Variants in COL5A1 observed in about 807,000 individuals in gnomAD.
COL5A1 encodes the protein collagen type V alpha 1 chain, also known as collagen alpha-1(V) chain.
Under a neutral mutation model 263.7 loss-of-function variants are expected in COL5A1, and 16 were observed. The observed-to-expected ratio is 0.06, with a 90% CI of 0.04 to 0.09. The LOEUF is 0.09. Among genes scored for constraint, COL5A1 ranks in the 10% least tolerant of loss-of-function variants. COL5A1 has a pLI of 1.00. For missense variants in COL5A1, 2,036 were observed against 2,540.5 expected (o/e 0.80, Z 4.27); for synonymous variants, 1,012 against 1,004.5 (o/e 1.01, Z -0.14).
Position 134,796,897 on chromosome 9 carries a change from C to T in COL5A1, c.2894C>T (p.Pro965Leu), listed in dbSNP as rs376435205. The T allele has an allele frequency of 3.1e-6, 5 of 1,613,906 alleles. No individual in the cohort carries two copies. Among genetic ancestry groups the T allele is most frequent in the Non-Finnish European group, 4.2e-6 (5 of 1,179,900 alleles). ...ACAGGATTTCCTGGACCAAAGGGCC[C>T]CCCTGTAAGTAATGGCTTCCTTGCT... ...GPTGFPGPKG[P>L]PGPPGKDGLP... Residue 965 changes from proline to leucine, a missense_variant, in exon 36 of 66, where the codon CCC (proline) becomes CTC (leucine). By Grantham distance (98) the Pro-to-Leu change is moderately conservative. Coordinates refer to ENST00000371817, the MANE Select transcript of COL5A1 (RefSeq NM_000093.5).
chr9:134,680,117 C>T lies in COL5A1; in HGVS notation c.110-10795C>T, dbSNP rs1037723338. Reference sequence around the variant, plus strand: ...CTGTCATCTTCAGGAAGGACTACCCCGGAGGCCCTTTGGACGGGCCCTTCA... The same window carrying T: ...CTGTCATCTTCAGGAAGGACTACCCTGGAGGCCCTTTGGACGGGCCCTTCA... On this transcript the variant is annotated intron_variant, in intron 1 of 65. Transcript: ENST00000371817. The surrounding 1 kb of genome is among the most constrained non-coding windows in gnomAD (Gnocchi z 5.9). Among the ~76,000 whole-genome samples the T allele has an allele frequency of 1.3e-5, 2 of 152,100 alleles. No homozygotes were observed. The highest frequency in any genetic ancestry group is 2.9e-5 in the Non-Finnish European group (2 of 68,000).
rs1464889497 is a variant in COL5A1 at position 134,700,788 on chromosome 9, G to A, written c.492-383G>A. ...TCGCATGCACACAGCAAAATACAAC[G>A]GCCGCCGCCCTGCCATTCTCCCGAT... On this transcript the variant is annotated intron_variant, in intron 3 of 65. Transcript: ENST00000371817. The surrounding 1 kb of genome is among the most constrained non-coding windows in gnomAD (Gnocchi z 4.0). Among the ~76,000 whole-genome samples, 2 of 152,144 alleles carry A rather than the reference G, an allele frequency of 1.3e-5. No homozygotes were observed. Among genetic ancestry groups the A allele is most frequent in the South Asian group, 2.1e-4 (1 of 4,828 alleles).
rs1247627530 is a variant in COL5A1 at position 134,754,829 on chromosome 9, A to G, written c.1827+503A>G. ...TCTAAAAGAGGACACACGTTTCCCG[A>G]GTGCTGACCACCACCCAGACAGGCT... On this transcript the variant is annotated intron_variant, in intron 16 of 65. Transcript: ENST00000371817. This position sits in a 1 kb window ranked among gnomAD's most constrained non-coding sequence, Gnocchi z 4.3. Among the ~76,000 whole-genome samples, 1 of 152,126 alleles carries G rather than the reference A, an allele frequency of 6.6e-6. No individual in the cohort carries two copies. The highest frequency in any genetic ancestry group is 1.5e-5 in the Non-Finnish European group (1 of 68,034).
In COL5A1 at chr9:134,731,621, C is replaced by T. The variant is rs572136244; in HGVS notation, c.1290C>T (p.Ile430=). 14 of 1,614,104 alleles carry T rather than the reference C, an allele frequency of 8.7e-6. No homozygotes were observed. The highest frequency in any genetic ancestry group is 1.7e-4 in the Middle Eastern group (1 of 6,060). ...ACCCCACCAGCTCCCCGTCGGAGAT[C>T]GGGCCGGGAATGCCGGCGAACCAGG... ...YYDPTSSPSE[I]GPGMPANQDT... The change falls in exon 8 of 66, where the codon ATC becomes ATT. Residue 430 remains isoleucine, a synonymous_variant. Coordinates refer to ENST00000371817, the MANE Select transcript of COL5A1 (RefSeq NM_000093.5).
intron 4 of COL5A1, among the ~76,000 whole-genome samples, chr9:134,706,808 G>T (rs936389429): frequency 6.6e-6 from 1 of 152,248 alleles, no homozygotes; most frequent in Non-Finnish European, 1.5e-5. Context: ...GGCCCATGGG[G>T]TCTGTGAAAC....
chr9:134,805,282 C>T (rs1028778133), intron 41 of COL5A1, 68 bp downstream of exon 41: 36 of 1,569,112 alleles, frequency 2.3e-5, no homozygotes, highest in South Asian at 7.8e-5. Flanking sequence ...GGGCAGTCCC[C>T]GAGAGCCCAG....
At chr9:134,774,992 G>A in intron 27 of COL5A1, 80 bp downstream of exon 27, 1 of 1,326,440 alleles carries the variant, frequency 7.5e-7, no homozygotes, top group Non-Finnish European at 1.1e-6. Context: ...TGGTTTTAGG[G>A]AATTCTCTGT....
chr9:134,759,082 C>T (rs574948292), intron 18 of COL5A1, among the ~76,000 whole-genome samples: 7 of 152,048 alleles, frequency 4.6e-5, no homozygotes, highest in Non-Finnish European at 8.8e-5. Flanking sequence ...GACATGAGGG[C>T]TCTTCACAGC....
At chr9:134,748,405 C>T (rs1366630374) in intron 11 of COL5A1, among the ~76,000 whole-genome samples, 1 of 151,972 alleles carries the variant, frequency 6.6e-6, no homozygotes, top group Non-Finnish European at 1.5e-5. Context: ...ACACTTACAT[C>T]CACACATACA....
intron 59 of COL5A1, 97 bp from the exon 60 acceptor site, chr9:134,822,900 AG>A: frequency 1.5e-6 from 2 of 1,328,970 alleles, no homozygotes; most frequent in Non-Finnish European, 2.1e-6. Flanking sequence ...CGGGTGGGAG[AG>A]GGGCGAGGGG....
At chr9:134,823,548 G>T in intron 61 of COL5A1, 79 bp downstream of exon 61, 1 of 1,451,334 alleles carries the variant, frequency 6.9e-7, no homozygotes, top group Admixed American at 1.7e-5. Flanking sequence ...AACTGTGTGT[G>T]TGTGACCCCT....
intron 18 of COL5A1, among the ~76,000 whole-genome samples, chr9:134,760,322 ACACCACACATG>A: frequency 1.5e-5 from 1 of 67,808 alleles, no homozygotes; most frequent in Non-Finnish European, 2.5e-5. Context: ...ACACATGCAC[ACACCACACATG>A]CACACACACC....
At chr9:134,730,995 G>A (rs114339229) in intron 7 of COL5A1, among the ~76,000 whole-genome samples, 51 of 152,340 alleles carry the variant, frequency 3.3e-4, no homozygotes, top group South Asian at 2.3e-3. Context: ...TGGACCTCGC[G>A]GTTCTCCTTT....
At chr9:134,823,833 ATGTG>A (rs1208951157) in intron 61 of COL5A1, among the ~76,000 whole-genome samples, 1 of 151,260 alleles carries the variant, frequency 6.6e-6, no homozygotes, top group Middle Eastern at 3.4e-3. Flanking sequence ...TGCATGTGTA[ATGTG>A]TGTGTACATG....
At chr9:134,795,485 T>C (rs1360974568) in intron 34 of COL5A1, among the ~76,000 whole-genome samples, 170 bp downstream of exon 34, 1 of 151,456 alleles carries the variant, frequency 6.6e-6, no homozygotes, top group African/African-American at 2.4e-5. Context: ...AGCCTCTGGA[T>C]GCCTCAGATC....
In COL5A1 at chr9:134,684,040, C is replaced by T. The variant is rs887513296; in HGVS notation, c.110-6872C>T. On this transcript the variant is annotated intron_variant, in intron 1 of 65. Coordinates refer to ENST00000371817, the MANE Select transcript of COL5A1 (RefSeq NM_000093.5). ...GGCCCCAGACCTCCACTCTCCTTCC[C>T]GAAAGCAGCGGACTTCTGCAGCGTT... Among the ~76,000 whole-genome samples the T allele has an allele frequency of 5.3e-5, 8 of 152,180 alleles. No individual in the cohort carries two copies. In the South Asian group the frequency reaches 6.2e-4, roughly 12 times the overall value.
At chr9:134,773,278 C>T (rs1014426902) in intron 26 of COL5A1, among the ~76,000 whole-genome samples, 1 of 152,230 alleles carries the variant, frequency 6.6e-6, no homozygotes, top group Non-Finnish European at 1.5e-5. Context: ...ACACTGTGAG[C>T]GGCTTGTGGT....
rs1002757558 is a variant in COL5A1, at chr9:134,841,340, G to A, written c.5371-817G>A. Among the ~76,000 whole-genome samples the A allele has an allele frequency of 4.6e-5, 7 of 152,182 alleles. No individual in the cohort carries two copies. The highest frequency in any genetic ancestry group is 1.7e-4 in the African/African-American group (7 of 41,442). On this transcript the variant is annotated intron_variant, in intron 65 of 65. Transcript: ENST00000371817. The surrounding 1 kb of genome is among the most constrained non-coding windows in gnomAD (Gnocchi z 4.8). ...CTCAGCCTCAGTTATAAAGAACACT[G>A]GGAGTTATATTTGGGTGGCTTTGGG... is the stretch of plus-strand genomic sequence containing the variant.
At chr9:134,709,973 G>A (rs1377567253) in intron 4 of COL5A1, among the ~76,000 whole-genome samples, 4 of 152,170 alleles carry the variant, frequency 2.6e-5, no homozygotes, top group Admixed American at 2.6e-4. Context: ...CCGCCCACCT[G>A]AGCGGAGGAG....
Sources: allele counts gnomAD v4.1 joint callset (sites outside exome capture counted in the v4.1 genomes callset), GRCh38; gene constraint gnomAD v4.1.1; non-coding constraint Gnocchi (gnomAD v3.1); transcripts MANE v1.5; gene names NCBI Gene and HGNC (gene_info 2026-07-23, HGNC 2026-07-21).